The following CHD4 variants were observed in gnomAD, a reference collection of about 807,000 sequenced individuals.
CHD4 encodes the protein chromodomain helicase DNA binding protein 4, also known as ATP-dependent chromatin remodeler CHD4.
Under a neutral mutation model 235.5 loss-of-function variants are expected in CHD4, and 35 were observed. The ratio of observed to expected loss-of-function variants is 0.15; its 90% confidence interval spans 0.11 to 0.20. The LOEUF (loss-of-function observed/expected upper bound fraction) is 0.20, where lower values mean the gene tolerates loss of function less well. Ranked by LOEUF, CHD4 falls within the 10% of genes least tolerant of loss-of-function variation. CHD4 has a pLI of 1.00. For synonymous variants in CHD4, 900 were observed against 850.2 expected, an observed-to-expected ratio of 1.06 and a Z score of -1.02; for missense variants, 1,329 against 2,432.3, an observed-to-expected ratio of 0.55 and a Z score of 9.54.
At chr12:6,594,146 T>TGG (rs1337544420) in intron 15 of CHD4, among the ~76,000 whole-genome samples, 6 of 152,140 alleles carry the variant, frequency 3.9e-5, no homozygotes, top group African/African-American at 1.4e-4. Context: ...AGCCTTTCCA[T>TGG]ACTAATTCTA....
At chr12:6,573,031 C>G (rs1262851854) in intron 38 of CHD4, 43 bp downstream of exon 38, 3 of 1,565,632 alleles carry the variant, frequency 1.9e-6, no homozygotes, top group Admixed American at 2.0e-5. Context: ...GCAGTCAGAT[C>G]AGGGAGGCCG....
intron 14 of CHD4, 132 bp from the exon 15 acceptor site, chr12:6,594,782 G>A: frequency 1.4e-6 from 1 of 734,428 alleles, no homozygotes; most frequent in East Asian, 2.7e-5. Flanking sequence ...GGAGGGAAGA[G>A]ATCCCCTATG....
chr12:6,606,034 A>G (rs969554527), intron 2 of CHD4, among the ~76,000 whole-genome samples: 3 of 152,188 alleles, frequency 2.0e-5, no homozygotes, highest in Non-Finnish European at 4.4e-5. Flanking sequence ...TCAACTGGGA[A>G]CTGCAGAGCA....
chr12:6,583,535 A>AT, intron 25 of CHD4, 157 bp from the exon 26 acceptor site: 1 of 632,496 alleles, frequency 1.6e-6, no homozygotes, highest in Non-Finnish European at 2.7e-6. Flanking sequence ...AAGAAATTTG[A>AT]TTGAGAGTAC....
At chr12:6,601,212 G>T in intron 6 of CHD4, 77 bp downstream of exon 6, 2 of 1,571,764 alleles carry the variant, frequency 1.3e-6, no homozygotes, top group South Asian at 2.3e-5. Flanking sequence ...AGGGCTGACA[G>T]ACCAGCATTC....
chr12:6,577,300 TA>T (rs1451900958), intron 37 of CHD4, among the ~76,000 whole-genome samples: 1 of 151,192 alleles, frequency 6.6e-6, no homozygotes, highest in Non-Finnish European at 1.5e-5. Flanking sequence ...CAGGCGCCTG[TA>T]ATCTCAGCTA....
At chr12:6,598,660 T>C (rs1485668101) in intron 10 of CHD4, among the ~76,000 whole-genome samples, 1 of 152,032 alleles carries the variant, frequency 6.6e-6, no homozygotes, top group Non-Finnish European at 1.5e-5. Flanking sequence ...AATACAAAAA[T>C]TAGCTGGGCG....
intron 33 of CHD4, chr12:6,580,784 G>T: frequency 2.5e-6 from 1 of 407,294 alleles, no homozygotes; most frequent in Non-Finnish European, 4.3e-6. Context: ...AAAAGCAGGT[G>T]GATCATGAGG....
intron 12 of CHD4, 47 bp downstream of exon 12, chr12:6,597,847 G>A (rs1457219951): frequency 6.5e-7 from 1 of 1,533,672 alleles, no homozygotes; most frequent in Non-Finnish European, 9.0e-7. Flanking sequence ...CTCTTTAGCA[G>A]GACTCTCCCA....
chr12:6,601,585 G>A (rs1050450319), intron 5 of CHD4, 55 bp from the exon 6 acceptor site: 275 of 1,612,842 alleles, frequency 1.7e-4, no homozygotes, highest in Non-Finnish European at 2.2e-4. Flanking sequence ...AAAAAAGAAA[G>A]AGAAGTAAGA....
In CHD4 at chr12:6,588,349, A is replaced by G; in HGVS notation, c.3414T>C (p.Ala1138=). ...CAGAGTCATAGATAATAACTGTGTC[A>G]GCAGTGGCCAGATTGATTCCAAGGC... ...AGGLGINLAT[A]DTVIIYDSDW... is the part of the protein sequence containing the mutation. Residue 1138 remains alanine, a synonymous_variant, in exon 23 of 40, where the codon GCT becomes GCC. Coordinates refer to ENST00000544040, the MANE Select transcript of CHD4 (RefSeq NM_001273.5). 3 of 1,614,230 alleles carry G rather than the reference A, an allele frequency of 1.9e-6. No homozygotes were observed. The highest frequency in any genetic ancestry group is 2.5e-6 in the Non-Finnish European group (3 of 1,180,042).
intron 2 of CHD4, among the ~76,000 whole-genome samples, chr12:6,605,601 T>C (rs1440511895): frequency 1.3e-5 from 2 of 152,108 alleles, no homozygotes; most frequent in East Asian, 1.9e-4. Context: ...CAAAACTATG[T>C]CCACTCACCA....
Position 6,582,776 on chromosome 12 carries a change from G to A in CHD4, c.4237-28C>T, listed in dbSNP as rs553505916. On this transcript the variant is annotated intron_variant, in intron 28 of 39. Transcript: ENST00000544040. ...AGGGGAAGAAGAAACCCAGGTGAGA[G>A]GCAGCAGGTCGCATTCCACCAAAGA... 4 of 1,614,088 alleles carry A rather than the reference G, an allele frequency of 2.5e-6. No homozygotes were observed. The East Asian group carries it at 6.7e-5, about 27-fold the overall frequency.
Position 6,602,601 on chromosome 12 carries a change from G to A in CHD4, c.101-104C>T, listed in dbSNP as rs1366677648. 3 of 1,419,548 alleles carry A rather than the reference G, an allele frequency of 2.1e-6. No homozygotes were observed. In the Admixed American group the frequency reaches 6.3e-5, roughly 30 times the overall value. The allele number at this position is 1,419,548 out of a possible 1,614,324, so 87.9% of individuals were successfully genotyped here. A position where few individuals can be genotyped will look rare whatever the true frequency, so the allele number is the denominator to read the frequency against. The stretch of plus-strand genomic sequence containing the variant: ...ACTTTATTCCCCACCTCTTGTCCCA[G>A]ATTCCTCTGAAGAGAACTGCTATAC... On this transcript the variant is annotated intron_variant, in intron 2 of 39. Coordinates refer to ENST00000544040, the MANE Select transcript of CHD4 (RefSeq NM_001273.5).
intron 10 of CHD4, 73 bp downstream of exon 10, chr12:6,599,700 C>T: frequency 1.3e-6 from 2 of 1,586,358 alleles, no homozygotes; most frequent in Non-Finnish European, 1.7e-6. Flanking sequence ...TCCTGCACCC[C>T]AGCCTCACAA....
At position 6,594,307 on chromosome 12, in the gene CHD4, A is replaced by C. The variant is rs114803032; in HGVS notation, c.2313+152T>G. 46 of 633,130 alleles carry C rather than the reference A, an allele frequency of 7.3e-5. No individual in the cohort carries two copies. In the Middle Eastern group the frequency reaches 7.7e-4, roughly 11 times the overall value. The allele number at this position is 633,130 out of a possible 1,614,324, so 39.2% of individuals were successfully genotyped here. Reference sequence around the variant, plus strand: ...TATCACATTTATCTACTATCTACTAAACACATGTGTACATGTGTTTATCTA... The same window carrying C: ...TATCACATTTATCTACTATCTACTACACACATGTGTACATGTGTTTATCTA... On this transcript the variant is annotated intron_variant, in intron 15 of 39. Transcript: ENST00000544040.
In CHD4 at chr12:6,570,559, C is replaced by G. The variant is rs1419734968; in HGVS notation, c.*117G>C. The stretch of plus-strand genomic sequence containing the variant: ...GTGCACTGGGGCTGTTCCTTTACAA[C>G]ATGGAAGATGGGCAGAAGGAAGGTG... On this transcript the variant is annotated 3_prime_UTR_variant, in exon 40 of 40. Coordinates refer to ENST00000544040, the MANE Select transcript of CHD4 (RefSeq NM_001273.5). 1.5e-6 allele frequency: 2 copies of G among 1,309,838 alleles called. No individual in the cohort carries two copies. Among genetic ancestry groups the G allele is most frequent in the Non-Finnish European group, 2.2e-6 (2 of 917,114 alleles). 81.1% of individuals were successfully genotyped at this position (1,309,838 alleles called of 1,614,324 possible). A position where few individuals can be genotyped will look rare whatever the true frequency, so the allele number is the denominator to read the frequency against.
chr12:6,577,685 G>C (rs906674849), intron 37 of CHD4, 100 bp downstream of exon 37: 2 of 1,484,524 alleles, frequency 1.3e-6, no homozygotes. Context: ...AATGAAGAAA[G>C]TGAGAACAGT....
intron 30 of CHD4, 37 bp downstream of exon 30, chr12:6,582,100 G>T (rs1302143062): frequency 2.0e-6 from 3 of 1,514,040 alleles, no homozygotes; most frequent in African/African-American, 2.8e-5. Flanking sequence ...ACTGCGCCTG[G>T]CCCCCTAGAA....
Sources: gnomAD v4.1 joint callset for allele counts (sites outside exome capture counted in the v4.1 genomes callset) on GRCh38, gnomAD v4.1.1 for gene constraint, MANE v1.5 for transcripts, NCBI Gene and HGNC (gene_info 2026-07-23, HGNC 2026-07-21) for gene names.